DNAJB13: variants seen among roughly 807,000 people sequenced by gnomAD.
The protein encoded by DNAJB13 is dnaJ homolog subfamily B member 13.
Under a neutral mutation model 35.6 loss-of-function variants are expected in DNAJB13, and 22 were observed. That is an observed-to-expected ratio of 0.62 (90% CI 0.44 to 0.88). DNAJB13 has a LOEUF of 0.88. Among genes scored for constraint, DNAJB13 ranks in the 40% least tolerant of loss-of-function variants. DNAJB13 has a pLI of 0.00. For synonymous variants in DNAJB13, 136 were observed against 144.2 expected (o/e 0.94, Z 0.41); for missense variants, 370 against 384.3 (o/e 0.96, Z 0.31).
intron 1 of DNAJB13, among the ~76,000 whole-genome samples, chr11:73,957,939 GC>G (rs1950803622): frequency 6.7e-6 from 1 of 150,360 alleles, no homozygotes; most frequent in South Asian, 2.1e-4. Context: ...GAGGGAGAGT[GC>G]AGCGAGGCCC....
Position 73,958,543 on chromosome 11 carries a change from G to C in DNAJB13, c.172+123G>C. The C allele has an allele frequency of 3.3e-6, 3 of 910,442 alleles. No individual in the cohort carries two copies. In the South Asian group the frequency reaches 4.8e-5, roughly 15 times the overall value. The allele number at this position is 910,442 out of a possible 1,614,324, so 56.4% of individuals were successfully genotyped here. A position where few individuals can be genotyped will look rare whatever the true frequency, so the allele number is the denominator to read the frequency against. Reference sequence around the variant, plus strand: ...ATCCTTCTTCCCTGCCTAGAATCTAGACACACAGAGAAGACAGAATACGGA... The same window carrying C: ...ATCCTTCTTCCCTGCCTAGAATCTACACACACAGAGAAGACAGAATACGGA... On this transcript the variant is annotated intron_variant, in intron 2 of 7. Transcript: ENST00000339764.
chr11:73,966,670 G>GTATT (rs567198522), intron 5 of DNAJB13, among the ~76,000 whole-genome samples: 19 of 151,648 alleles, frequency 1.3e-4, no homozygotes, highest in East Asian at 3.9e-4. Flanking sequence ...ATTTATTTAT[G>GTATT]TATTTATTTA....
chr11:73,963,345 CAAAAAAA>C (rs565063917), intron 3 of DNAJB13, among the ~76,000 whole-genome samples: 5 of 119,696 alleles, frequency 4.2e-5, no homozygotes, highest in Admixed American at 9.1e-5. Context: ...GACTCTGTCT[CAAAAAAA>C]AAAAAGAAAA....
chr11:73,961,104 T>C (rs181499216), intron 3 of DNAJB13, among the ~76,000 whole-genome samples: 1 of 152,050 alleles, frequency 6.6e-6, no homozygotes, highest in African/African-American at 2.4e-5. Flanking sequence ...CTGGGCAACA[T>C]AGCCAAACCC....
chr11:73,966,102 T>A, intron 4 of DNAJB13, 36 bp from the exon 5 acceptor site: 1 of 1,582,084 alleles, frequency 6.3e-7, no homozygotes, highest in Non-Finnish European at 8.6e-7. Flanking sequence ...ATGGAAGTCC[T>A]AAGCAGACCT....
chr11:73,958,365 G>A lies in DNAJB13; in HGVS notation c.117G>A (p.Pro39=), dbSNP rs1344293837. ...ACCACCCGTTGAAGTCAAATGAGCC[G>A]TCTTCAGCAGAGATTTTCAGGCAAA... is the stretch of plus-strand genomic sequence containing the variant. ...LKHHPLKSNE[P]SSAEIFRQIA... The change falls in exon 2 of 8, where the codon CCG becomes CCA. Residue 39 remains proline, a synonymous_variant. Coordinates refer to ENST00000339764, the MANE Select transcript of DNAJB13 (RefSeq NM_153614.4). 6.2e-7 allele frequency: 1 copy of A among 1,614,148 alleles called. No homozygotes were observed. The highest frequency in any genetic ancestry group is 1.1e-5 in the South Asian group (1 of 91,080).
intron 2 of DNAJB13, among the ~76,000 whole-genome samples, chr11:73,958,776 G>A (rs1024375227): frequency 6.6e-6 from 1 of 152,200 alleles, no homozygotes; most frequent in African/African-American, 2.4e-5. Flanking sequence ...CTGGGCAGGC[G>A]TGCCCACCTG....
At chr11:73,965,124 GGATGGTCTCT>G in intron 4 of DNAJB13, 89 bp downstream of exon 4, 1 of 1,390,836 alleles carries the variant, frequency 7.2e-7, no homozygotes, top group South Asian at 1.4e-5. Context: ...GAGGACTCAG[GGATGGTCTCT>G]GATGGAATTA....
At chr11:73,959,455 C>T (rs1950861189) in intron 2 of DNAJB13, 39 bp from the exon 3 acceptor site, 17 of 1,587,330 alleles carry the variant, frequency 1.1e-5, no homozygotes, top group African/African-American at 2.7e-5. Flanking sequence ...TCTCAGCCCC[C>T]AAAGTTGGAC....
chr11:73,966,255 AG>A lies in DNAJB13; in HGVS notation c.606+10del, dbSNP rs1951112615. 2 of 1,610,172 alleles carry A rather than the reference AG, an allele frequency of 1.2e-6. No homozygotes were observed. The highest frequency in any genetic ancestry group is 1.1e-5 in the South Asian group (1 of 90,028). On this transcript the variant is annotated splice_donor_5th_base_variant and intron_variant, in intron 5 of 7. Transcript: ENST00000339764. ...CTTTGAGAAGGAAGGGGACCAGGTG[AG>A]GGGGGAAGAAGCTGACTCAGGTCAG... is the stretch of plus-strand genomic sequence containing the variant.
chr11:73,969,653 G>A (rs1014851372), intron 7 of DNAJB13, among the ~76,000 whole-genome samples: 1 of 152,160 alleles, frequency 6.6e-6, no homozygotes, highest in Non-Finnish European at 1.5e-5. Context: ...TCCAAGAAAG[G>A]CCCTCTGCCC....
rs148790261 is a variant in DNAJB13 at position 73,961,002 on chromosome 11, C to T, written c.334+1347C>T. On this transcript the variant is annotated intron_variant, in intron 3 of 7. Transcript: ENST00000339764. ...GGAATTAGGTGCTTTAAAAAATCAC[C>T]GAGGCCAGGTGTGGTGGCTCACTCC... Among the ~76,000 whole-genome samples, 30 of 152,160 alleles carry T rather than the reference C, an allele frequency of 2.0e-4. No individual in the cohort carries two copies. In the East Asian group the frequency reaches 4.2e-3, roughly 22 times the overall value.
intron 3 of DNAJB13, among the ~76,000 whole-genome samples, chr11:73,963,101 G>A (rs1010301310): frequency 3.3e-5 from 5 of 152,106 alleles, no homozygotes; most frequent in African/African-American, 1.2e-4. Context: ...TGAGGCCGGC[G>A]GATCACTTGA....
At position 73,968,347 on chromosome 11, in the gene DNAJB13, C is replaced by T. The variant is rs867695946; in HGVS notation, c.609C>T (p.Gly203=). 25 of 1,614,020 alleles carry T rather than the reference C, an allele frequency of 1.5e-5. No homozygotes were observed. Among genetic ancestry groups the T allele is most frequent in the South Asian group, 2.2e-5 (2 of 91,092 alleles). ...ACCTTTTGGCGTCCCCTGCCCAGGG[C>T]CCCAACATCATCCCAGCAGACATCA... The part of the protein sequence containing the change: ...RITFEKEGDQ[G]PNIIPADIIF... Residue 203 remains glycine (G), a splice_region_variant and synonymous_variant, in exon 6 of 8, where the codon GGC becomes GGT. Transcript: ENST00000339764.
At chr11:73,951,487 C>T (rs539083384) in intron 1 of DNAJB13, among the ~76,000 whole-genome samples, 1 of 152,272 alleles carries the variant, frequency 6.6e-6, no homozygotes, top group South Asian at 2.1e-4. Flanking sequence ...AAGGGAGTGG[C>T]CAGGCCAGAT....
At chr11:73,962,738 CTGTGCCAATA>C (rs1179300375) in intron 3 of DNAJB13, among the ~76,000 whole-genome samples, 2 of 152,190 alleles carry the variant, frequency 1.3e-5, no homozygotes, top group Non-Finnish European at 2.9e-5. Context: ...CTTCTCTTTT[CTGTGCCAATA>C]TGTGGGTTAC....
chr11:73,958,445 C>T (rs964592090), intron 2 of DNAJB13, 25 bp downstream of exon 2: 2 of 1,599,356 alleles, frequency 1.3e-6, no homozygotes, highest in African/African-American at 2.7e-5. Context: ...GGCTGAGCAC[C>T]CCGCTTGATT....
intron 3 of DNAJB13, chr11:73,964,562 A>C: frequency 3.1e-6 from 1 of 317,650 alleles, no homozygotes; most frequent in Non-Finnish European, 5.8e-6. Flanking sequence ...AGTTGTGAAT[A>C]AGAGAGACGG....
intron 1 of DNAJB13, among the ~76,000 whole-genome samples, chr11:73,954,639 AAAT>A (rs756973833): frequency 3.3e-5 from 4 of 119,966 alleles, no homozygotes; most frequent in Admixed American, 1.6e-4. Flanking sequence ...CAAAAAAAAA[AAAT>A]AAAATAAATA....
Sources: allele counts gnomAD v4.1 joint callset (sites outside exome capture counted in the v4.1 genomes callset), GRCh38; gene constraint gnomAD v4.1.1; transcripts MANE v1.5; gene names NCBI Gene and HGNC (gene_info 2026-07-23, HGNC 2026-07-21).